OR1J2: variants seen among roughly 807,000 people sequenced by gnomAD.
The protein encoded by OR1J2 is olfactory receptor family 1 subfamily J member 2.
For missense variants in OR1J2, 304 were observed against 246.1 expected, an observed-to-expected ratio of 1.24 and a Z score of -1.57; for synonymous variants, 142 against 99.7, an observed-to-expected ratio of 1.42 and a Z score of -2.52.
At chr9:122,519,976 C>T in the OR1J2 span, 92 of 1,613,942 alleles carry the variant, frequency 5.7e-5, no homozygotes, top group Admixed American at 4.3e-4. Flanking sequence ...GTGATGTACA[C>T]GGTGATCACC....
chr9:122,515,586 C>T (rs1828689967), downstream of OR1J2, among the ~76,000 whole-genome samples: 1 of 152,020 alleles, frequency 6.6e-6, no homozygotes, highest in South Asian at 2.1e-4. Flanking sequence ...CTAGGGGTCT[C>T]ATCTCATCAT....
At chr9:122,498,060 G>GTT in the OR1J2 span, among the ~76,000 whole-genome samples, 7 of 146,516 alleles carry the variant, frequency 4.8e-5, no homozygotes, top group Non-Finnish European at 7.5e-5. Flanking sequence ...CATGATTTGG[G>GTT]TTTTTTTTTT....
At chr9:122,467,832 C>G in the OR1J2 span, among the ~76,000 whole-genome samples, 1 of 152,076 alleles carries the variant, frequency 6.6e-6, no homozygotes, top group African/African-American at 2.4e-5. Flanking sequence ...TACAAAGCAC[C>G]CAGTGGTTCC....
chr9:122,480,098 CTTTT>C, the OR1J2 span, among the ~76,000 whole-genome samples: 1 of 151,848 alleles, frequency 6.6e-6, no homozygotes, highest in African/African-American at 2.4e-5. Context: ...TCAAAGTACT[CTTTT>C]TTTTAATAAA....
chr9:122,503,216 C>T, the OR1J2 span, among the ~76,000 whole-genome samples: 93 of 152,196 alleles, frequency 6.1e-4, no homozygotes, highest in African/African-American at 2.0e-3. Context: ...TAAGGCATGG[C>T]GGAGGGAAAG....
At chr9:122,456,486 T>G in the OR1J2 span, among the ~76,000 whole-genome samples, 2 of 152,224 alleles carry the variant, frequency 1.3e-5, no homozygotes, top group African/African-American at 4.8e-5. Context: ...TTAATTTTCT[T>G]TTCTTTTCTT....
chr9:122,577,005 T>G, the OR1J2 span: 1 of 152,142 alleles, frequency 6.6e-6, no homozygotes, highest in Non-Finnish European at 1.5e-5. Flanking sequence ...TGGAAGTAAC[T>G]CTGATGTATA....
At chr9:122,534,731 G>A in the OR1J2 span, among the ~76,000 whole-genome samples, 4 of 152,098 alleles carry the variant, frequency 2.6e-5, no homozygotes, top group Admixed American at 6.6e-5. Flanking sequence ...CTTGGGGTTG[G>A]GACTGAGGGG....
chr9:122,514,416 T>C (rs1214489525), downstream of OR1J2, among the ~76,000 whole-genome samples: 1 of 152,238 alleles, frequency 6.6e-6, no homozygotes. Context: ...CTTAGGATGA[T>C]GGCCTCCAGT....
At position 122,510,857 on chromosome 9, in the gene OR1J2, T is replaced by G. The variant is rs546772045; in HGVS notation, c.56T>G (p.Ile19Ser). 5.6e-6 allele frequency: 9 copies of G among 1,609,698 alleles called. No homozygotes were observed. Among genetic ancestry groups the G allele is most frequent in the Non-Finnish European group, 7.6e-6 (9 of 1,176,472 alleles). ...GAGTTCCTCCTTCTGGGCCTCCCCA[T>G]CCGGCCAGAGCAGCAGGCTGTGTTC... ...VSEFLLLGLP[I>S]RPEQQAVFFT... Residue 19 changes from isoleucine to serine, a missense_variant, in exon 1 of 1, where the codon ATC becomes AGC. Physicochemically the swap from Ile to Ser is moderately radical, Grantham distance 142. Coordinates refer to ENST00000335302, the MANE Select transcript of OR1J2 (RefSeq NM_054107.1).
the OR1J2 span, among the ~76,000 whole-genome samples, chr9:122,531,161 G>T: frequency 6.6e-6 from 1 of 152,198 alleles, no homozygotes; most frequent in Non-Finnish European, 1.5e-5. Context: ...AACCTAGAGT[G>T]GGAGAGATTA....
At chr9:122,572,952 A>G in the OR1J2 span, 5 of 152,276 alleles carry the variant, frequency 3.3e-5, no homozygotes, top group African/African-American at 1.2e-4. Flanking sequence ...CTCTAAAGGA[A>G]TACCACATTT....
chr9:122,449,274 A>G, the OR1J2 span, among the ~76,000 whole-genome samples: 1 of 152,168 alleles, frequency 6.6e-6, no homozygotes, highest in Non-Finnish European at 1.5e-5. Flanking sequence ...AGAGACAGCC[A>G]GACTATCTCA....
At chr9:122,466,683 G>A in the OR1J2 span, among the ~76,000 whole-genome samples, 1 of 152,170 alleles carries the variant, frequency 6.6e-6, no homozygotes, top group Non-Finnish European at 1.5e-5. Context: ...AGAGAAAGGG[G>A]GAATTTCATT....
the OR1J2 span, among the ~76,000 whole-genome samples, chr9:122,467,688 A>G: frequency 6.6e-6 from 1 of 152,246 alleles, no homozygotes; most frequent in African/African-American, 2.4e-5. Flanking sequence ...TTATTATAAA[A>G]GAATATAAAA....
At chr9:122,478,981 G>A in the OR1J2 span, among the ~76,000 whole-genome samples, 1 of 152,132 alleles carries the variant, frequency 6.6e-6, no homozygotes, top group Non-Finnish European at 1.5e-5. Flanking sequence ...ACCCGCCTCA[G>A]CCTCCCAGAG....
chr9:122,491,436 G>A, the OR1J2 span, among the ~76,000 whole-genome samples: 1 of 151,910 alleles, frequency 6.6e-6, no homozygotes, highest in Non-Finnish European at 1.5e-5. Context: ...AAAGGGAGGA[G>A]AGAAGAGGAA....
chr9:122,532,436 G>T, the OR1J2 span, among the ~76,000 whole-genome samples: 1 of 151,966 alleles, frequency 6.6e-6, no homozygotes, highest in South Asian at 2.1e-4. Context: ...AAGGAAATGT[G>T]GGGAAATGGG....
chr9:122,578,511 A>G, the OR1J2 span: 1 of 152,058 alleles, frequency 6.6e-6, no homozygotes, highest in Non-Finnish European at 1.5e-5. Flanking sequence ...GCATGTTTAT[A>G]GCACCACAAT....
Sources: gnomAD v4.1 joint callset for allele counts (sites outside exome capture counted in the v4.1 genomes callset) on GRCh38, gnomAD v4.1.1 for gene constraint, MANE v1.5 for transcripts, NCBI Gene and HGNC (gene_info 2026-07-23, HGNC 2026-07-21) for gene names.